The following CD200R1L variants were observed in gnomAD, a reference collection of about 807,000 sequenced individuals.
CD200R1L encodes cell surface glycoprotein CD200 receptor 2.
In CD200R1L, 14 loss-of-function variants were observed where a neutral mutation model predicts 24.8. The observed-to-expected ratio is 0.56, with a 90% CI of 0.37 to 0.88. The LOEUF (loss-of-function observed/expected upper bound fraction) is 0.88. Among genes scored for constraint, CD200R1L ranks in the 40% least tolerant of loss-of-function variants. CD200R1L has a pLI of 0.00. For synonymous variants in CD200R1L, 111 were observed against 109.2 expected (o/e 1.02, Z -0.11); for missense variants, 299 against 297.8 (o/e 1.00, Z -0.03).
chr3:112,820,418 G>C (rs1019377684), intron 6 of CD200R1L, among the ~76,000 whole-genome samples: 4 of 151,946 alleles, frequency 2.6e-5, no homozygotes, highest in Admixed American at 6.6e-5. Context: ...AACTAATTAG[G>C]AACATCATTC....
intron 6 of CD200R1L, among the ~76,000 whole-genome samples, chr3:112,825,033 C>T (rs1341635005): frequency 1.3e-5 from 2 of 151,988 alleles, no homozygotes; most frequent in Admixed American, 1.3e-4. Flanking sequence ...ATTAGGAGAT[C>T]GAGACCATCC....
At chr3:112,843,383 T>A (rs1939124676) in intron 2 of CD200R1L, among the ~76,000 whole-genome samples, 2 of 152,236 alleles carry the variant, frequency 1.3e-5, no homozygotes, top group South Asian at 4.1e-4. Flanking sequence ...AGGATGCTTA[T>A]AAGCCAGAAG....
intron 7 of CD200R1L, among the ~76,000 whole-genome samples, chr3:112,819,251 A>G (rs950786251): frequency 1.3e-5 from 2 of 152,198 alleles, no homozygotes; most frequent in African/African-American, 4.8e-5. Flanking sequence ...CACAGCACCA[A>G]ACCATGTTAG....
intron 3 of CD200R1L, among the ~76,000 whole-genome samples, chr3:112,836,173 T>G (rs1938938557): frequency 6.6e-6 from 1 of 152,150 alleles, no homozygotes; most frequent in African/African-American, 2.4e-5. Context: ...CATGCGAGAC[T>G]GGGGGTAGTG....
In CD200R1L at chr3:112,845,963, G is replaced by T; in HGVS notation, c.-358-13C>A. 1 of 471,830 alleles carries T rather than the reference G, an allele frequency of 2.1e-6. No homozygotes were observed. Among genetic ancestry groups the T allele is most frequent in the Non-Finnish European group, 3.8e-6 (1 of 264,882 alleles). The allele number at this position is 471,830 out of a possible 1,614,324, so 29.2% of individuals were successfully genotyped here. On this transcript the variant is annotated splice_polypyrimidine_tract_variant and intron_variant, in intron 1 of 7. Transcript: ENST00000488794. ...TCAGTGAGTTTTGCTGTGTAATAAA[G>T]CAAAAAAGCCAATGCTTACTACTCA...
chr3:112,842,447 T>A (rs1244693234), intron 2 of CD200R1L, among the ~76,000 whole-genome samples: 1 of 152,180 alleles, frequency 6.6e-6, no homozygotes, highest in Non-Finnish European at 1.5e-5. Context: ...ACTGTACAAA[T>A]TGACTGTAAA....
rs770044555 is a variant in CD200R1L at position 112,837,931 on chromosome 3, G to T, written c.-18+11C>A. On this transcript the variant is annotated intron_variant, in intron 3 of 7. Transcript: ENST00000488794. ...CCATCAAACTGGTTATTAAGTAAGT[G>T]AGCATTTTACCTTCATTAAGACGTA... is the stretch of plus-strand genomic sequence containing the variant. 2.2e-4 allele frequency: 255 copies of T among 1,160,378 alleles called. 2 individuals carry two copies. The highest frequency in any genetic ancestry group is 1.6e-4 in the Non-Finnish European group (143 of 912,724). 71.9% of individuals were successfully genotyped at this position (1,160,378 alleles called of 1,614,324 possible).
intron 3 of CD200R1L, among the ~76,000 whole-genome samples, chr3:112,832,840 A>G (rs1938834358): frequency 6.6e-6 from 1 of 152,218 alleles, no homozygotes; most frequent in African/African-American, 2.4e-5. Flanking sequence ...TCTTGCCTTA[A>G]TTTCTACTTT....
At chr3:112,842,757 G>A (rs1406893334) in intron 2 of CD200R1L, among the ~76,000 whole-genome samples, 1 of 152,208 alleles carries the variant, frequency 6.6e-6, no homozygotes, top group Non-Finnish European at 1.5e-5. Flanking sequence ...TGCGGGAGAT[G>A]CGCCTGGTCT....
chr3:112,828,652 A>G (rs1938725840), intron 4 of CD200R1L, among the ~76,000 whole-genome samples: 1 of 152,168 alleles, frequency 6.6e-6, no homozygotes, highest in African/African-American at 2.4e-5. Context: ...TCCAATTCTC[A>G]GGTGTAAATG....
chr3:112,839,294 C>T (rs1450765087), intron 2 of CD200R1L, among the ~76,000 whole-genome samples: 1 of 152,134 alleles, frequency 6.6e-6, no homozygotes, highest in Non-Finnish European at 1.5e-5. Context: ...AGAGGGCACA[C>T]TGATAGTCCA....
At chr3:112,830,505 T>G (rs554652725) in intron 3 of CD200R1L, among the ~76,000 whole-genome samples, 1 of 149,112 alleles carries the variant, frequency 6.7e-6, no homozygotes, top group Non-Finnish European at 1.5e-5. Flanking sequence ...GCAGTTTTTT[T>G]TTTTTTTTTT....
intron 2 of CD200R1L, among the ~76,000 whole-genome samples, chr3:112,842,568 G>C (rs1315084190): frequency 6.6e-6 from 1 of 152,172 alleles, no homozygotes; most frequent in Non-Finnish European, 1.5e-5. Flanking sequence ...ACTGCCTGCG[G>C]GGTCGGGCAA....
In CD200R1L at chr3:112,816,388, A is replaced by G. The variant is rs373952042; in HGVS notation, c.741-413T>C. ...TAGGCCAGGCATGTTCTCATGGAGT[A>G]ACGAGTAGAACAGAACTTCTTGAGA... On this transcript the variant is annotated intron_variant, in intron 7 of 7. Coordinates refer to ENST00000488794, the MANE Select transcript of CD200R1L (RefSeq NM_001199215.3). Among the ~76,000 whole-genome samples, 165 of 152,352 alleles carry G rather than the reference A, an allele frequency of 1.1e-3. 4 individuals carry two copies. In the South Asian group the frequency reaches 0.032, roughly 29 times the overall value.
intron 6 of CD200R1L, among the ~76,000 whole-genome samples, chr3:112,824,475 G>A (rs1039197780): frequency 6.6e-6 from 1 of 152,140 alleles, no homozygotes; most frequent in African/African-American, 2.4e-5. Flanking sequence ...CTATAGACTC[G>A]AGAGTCAAAA....
In CD200R1L at chr3:112,842,182, T is replaced by C. The variant is rs372075241; in HGVS notation, c.-87+3497A>G. The stretch of plus-strand genomic sequence containing the variant: ...AGGAGAGCACACAAGCTGGGTGGTC[T>C]TCACCACCATGTTCTGGGAAAAGAA... On this transcript the variant is annotated intron_variant, in intron 2 of 7. Coordinates refer to ENST00000488794, the MANE Select transcript of CD200R1L (RefSeq NM_001199215.3). Among the ~76,000 whole-genome samples, 165 of 152,248 alleles carry C rather than the reference T, an allele frequency of 1.1e-3. 4 individuals are homozygous for C. In the South Asian group the frequency reaches 0.032, roughly 29 times the overall value.
intron 6 of CD200R1L, among the ~76,000 whole-genome samples, chr3:112,821,517 T>C (rs567717736): frequency 6.6e-6 from 1 of 152,354 alleles, no homozygotes; most frequent in Non-Finnish European, 1.5e-5. Context: ...TTGCTCCTTT[T>C]CTCTTGCAAC....
rs766390839 is a variant in CD200R1L at position 112,845,742 on chromosome 3, T to C, written c.-150A>G. Reference sequence around the variant, plus strand: ...GCTGACATCTTCCCTAAAGTATGCTTTTGGAGTGGTTTTCTACTTAAACAT... The same window carrying C: ...GCTGACATCTTCCCTAAAGTATGCTCTTGGAGTGGTTTTCTACTTAAACAT... On this transcript the variant is annotated 5_prime_UTR_variant, in exon 2 of 8. Coordinates refer to ENST00000488794, the MANE Select transcript of CD200R1L (RefSeq NM_001199215.3). 2 of 1,608,110 alleles carry C rather than the reference T, an allele frequency of 1.2e-6. No homozygotes were observed. The highest frequency in any genetic ancestry group is 2.2e-5 in the South Asian group (2 of 90,634).
rs1035034347 is a variant in CD200R1L at position 112,819,786 on chromosome 3, C to T, written c.726G>A (p.Arg242=). The T allele has an allele frequency of 1.1e-5, 17 of 1,604,804 alleles. No homozygotes were observed. The Middle Eastern group carries it at 6.6e-4, about 62-fold the overall frequency. The change falls in exon 7 of 8, where the codon AGG becomes AGA. Residue 242 remains arginine, a synonymous_variant. Transcript: ENST00000488794. The part of the protein sequence containing the change: ...LVTTGFVFFQ[R]INHVRKVL ...TCAGTTCCTACCTGACATGATTTAT[C>T]CTCTGGAAGAAAACAAATCCTGTGG... is the stretch of plus-strand genomic sequence containing the variant.
Sources: gnomAD v4.1 joint callset for allele counts (sites outside exome capture counted in the v4.1 genomes callset) on GRCh38, gnomAD v4.1.1 for gene constraint, MANE v1.5 for transcripts, NCBI Gene and HGNC (gene_info 2026-07-23, HGNC 2026-07-21) for gene names.